TWSG1: variants seen among roughly 807,000 people sequenced by gnomAD.
TWSG1 encodes twisted gastrulation BMP signaling modulator 1.
Under a neutral mutation model 23.0 loss-of-function variants are expected in TWSG1, and 15 were observed. The ratio of observed to expected loss-of-function variants is 0.65; its 90% CI spans 0.44 to 1.00. TWSG1 has a LOEUF of 1.00. TWSG1 is among the 50% of genes least tolerant of loss of function. TWSG1 has a pLI of 0.00. For synonymous variants in TWSG1, 86 were observed against 92.8 expected, an observed-to-expected ratio of 0.93 and a Z score of 0.42; for missense variants, 242 against 278.7, an observed-to-expected ratio of 0.87 and a Z score of 0.94.
At chr18:9,376,792 AC>A (rs1488031571) in intron 3 of TWSG1, among the ~76,000 whole-genome samples, 1 of 150,146 alleles carries the variant, frequency 6.7e-6, no homozygotes, top group Non-Finnish European at 1.5e-5. Flanking sequence ...AGATTGTGCC[AC>A]TGCATTCCAG....
chr18:9,351,622 G>GTTTTTTTTT (rs71168051), intron 2 of TWSG1, among the ~76,000 whole-genome samples: 1 of 116,608 alleles, frequency 8.6e-6, no homozygotes, highest in Non-Finnish European at 1.8e-5. Flanking sequence ...ACCATGCTGG[G>GTTTTTTTTT]TTTTTTTTTT....
intron 3 of TWSG1, among the ~76,000 whole-genome samples, chr18:9,392,944 C>G (rs527967628): frequency 6.6e-6 from 1 of 152,310 alleles, no homozygotes; most frequent in African/African-American, 2.4e-5. Flanking sequence ...ACAACCACAA[C>G]AGTTATCAGT....
chr18:9,370,131 A>C (rs2040597798), intron 3 of TWSG1, among the ~76,000 whole-genome samples: 1 of 152,122 alleles, frequency 6.6e-6, no homozygotes, highest in African/African-American at 2.4e-5. Flanking sequence ...CATCCTGGCC[A>C]ACATGGTGAA....
At chr18:9,352,604 G>GT (rs1369507044) in intron 2 of TWSG1, among the ~76,000 whole-genome samples, 1 of 152,132 alleles carries the variant, frequency 6.6e-6, no homozygotes, top group Non-Finnish European at 1.5e-5. Context: ...ACCAGATCTT[G>GT]TAAGTCCAAG....
intron 3 of TWSG1, among the ~76,000 whole-genome samples, chr18:9,375,304 A>C (rs1450399307): frequency 6.6e-6 from 1 of 152,108 alleles, no homozygotes; most frequent in African/African-American, 2.4e-5. Context: ...CATGATAAAA[A>C]CTCTCAGCAA....
chr18:9,342,791 T>A (rs2040451724), intron 2 of TWSG1, among the ~76,000 whole-genome samples: 1 of 152,194 alleles, frequency 6.6e-6, no homozygotes, highest in Non-Finnish European at 1.5e-5. Context: ...ACCCTTATTT[T>A]GTCCCAACAT....
rs1262975741 is a variant in TWSG1 at position 9,373,715 on chromosome 18, C to G, written c.223+13644C>G. ...GCTGAATATAATGGATATCTATTGA[C>G]TATTTCATTCCACAACAGCAGAATA... is the stretch of plus-strand genomic sequence containing the variant. On this transcript the variant is annotated intron_variant, in intron 3 of 4. Coordinates refer to ENST00000262120, the MANE Select transcript of TWSG1 (RefSeq NM_020648.6). Among the ~76,000 whole-genome samples the G allele has an allele frequency of 1.1e-4, 16 of 152,152 alleles. No individual in the cohort carries two copies. In the East Asian group the frequency reaches 2.9e-3, roughly 27 times the overall value.
At chr18:9,350,981 TCAG>T (rs1477379710) in intron 2 of TWSG1, among the ~76,000 whole-genome samples, 3 of 152,148 alleles carry the variant, frequency 2.0e-5, no homozygotes, top group Non-Finnish European at 4.4e-5. Context: ...AAAAGTAGTG[TCAG>T]CATAGGTATA....
chr18:9,396,684 T>G (rs763120101), intron 4 of TWSG1, 138 bp downstream of exon 4: 1 of 1,063,860 alleles, frequency 9.4e-7, no homozygotes, highest in Non-Finnish European at 1.3e-6. Context: ...AATTCTAGAC[T>G]CAATAACCCT....
At chr18:9,359,146 G>A (rs1309817248) in intron 2 of TWSG1, among the ~76,000 whole-genome samples, 2 of 151,966 alleles carry the variant, frequency 1.3e-5, no homozygotes. Context: ...GCCTGGATCA[G>A]CTGGGTGGTT....
rs1382338966 is a variant in TWSG1, at chr18:9,396,425, T to G, written c.369T>G (p.Val123=). 6.2e-7 allele frequency: 1 copy of G among 1,614,216 alleles called. No homozygotes were observed. The highest frequency in any genetic ancestry group is 1.1e-5 in the South Asian group (1 of 91,084). ...ATTGGAACATCGTTTCTTTCCCTGT[T>G]GCAGAAGAACTTTCACATCATGAGA... is the stretch of plus-strand genomic sequence containing the variant. The part of the protein sequence containing the change: ...QLNWNIVSFP[V]AEELSHHENL... The change falls in exon 4 of 5, where the codon GTT becomes GTG. Residue 123 remains valine (V), a synonymous_variant. Transcript: ENST00000262120.
intron 3 of TWSG1, among the ~76,000 whole-genome samples, chr18:9,369,820 C>T (rs1365598080): frequency 6.6e-6 from 1 of 152,200 alleles, no homozygotes; most frequent in African/African-American, 2.4e-5. Flanking sequence ...CGTGAGCCAC[C>T]ATGCCCAGCC....
chr18:9,398,205 TATC>T (rs1463399433), intron 4 of TWSG1, among the ~76,000 whole-genome samples: 13 of 152,152 alleles, frequency 8.5e-5, no homozygotes, highest in Non-Finnish European at 2.9e-5. Flanking sequence ...TATGTTTTGT[TATC>T]ATTTTCTCCA....
At chr18:9,382,205 A>G (rs916198726) in intron 3 of TWSG1, among the ~76,000 whole-genome samples, 2 of 152,050 alleles carry the variant, frequency 1.3e-5, no homozygotes, top group Admixed American at 1.3e-4. Context: ...TATTTAGAAA[A>G]AACAAGAGGA....
intron 3 of TWSG1, among the ~76,000 whole-genome samples, chr18:9,365,038 T>A (rs941153894): frequency 6.6e-6 from 1 of 152,188 alleles, no homozygotes; most frequent in African/African-American, 2.4e-5. Context: ...AGTTGGATTC[T>A]GCCTAAGCAT....
rs886743301 is a variant in TWSG1, at chr18:9,336,329, T to C, written c.-37-864T>C. On this transcript the variant is annotated intron_variant, in intron 1 of 4. Coordinates refer to ENST00000262120, the MANE Select transcript of TWSG1 (RefSeq NM_020648.6). ...ATCGCATGAACCCGGGAGGCGGAGG[T>C]TGCAGTGAGCCGAGATTGCGCCACT... Among the ~76,000 whole-genome samples, 6 of 151,732 alleles carry C rather than the reference T, an allele frequency of 4.0e-5. No individual in the cohort carries two copies. The South Asian group carries it at 1.2e-3, about 32-fold the overall frequency.
rs527398080 is a variant in TWSG1, at chr18:9,374,507, A to G, written c.223+14436A>G. 2.6e-4 allele frequency among the ~76,000 whole-genome samples: 39 copies of G among 152,360 alleles called. 1 individual carries two copies. The Middle Eastern group carries it at 0.017, about 66-fold the overall frequency. The stretch of plus-strand genomic sequence containing the variant: ...GAAATTCACACGAGACTTCAAACCT[A>G]TATTTTTTAAATAAATTGAATCAAT... On this transcript the variant is annotated intron_variant, in intron 3 of 4. Coordinates refer to ENST00000262120, the MANE Select transcript of TWSG1 (RefSeq NM_020648.6).
At chr18:9,337,732 T>A (rs542657084) in intron 2 of TWSG1, among the ~76,000 whole-genome samples, 2 of 152,346 alleles carry the variant, frequency 1.3e-5, no homozygotes, top group South Asian at 4.1e-4. Flanking sequence ...CTAAGTATGA[T>A]GTATTAGTTG....
chr18:9,358,781 T>A (rs539664013), intron 2 of TWSG1, among the ~76,000 whole-genome samples: 12 of 152,346 alleles, frequency 7.9e-5, no homozygotes, highest in African/African-American at 2.9e-4. Flanking sequence ...AGGATGGTTT[T>A]GTTGACCTGT....
Sources: gnomAD v4.1 joint callset for allele counts (sites outside exome capture counted in the v4.1 genomes callset) on GRCh38, gnomAD v4.1.1 for gene constraint, MANE v1.5 for transcripts, NCBI Gene and HGNC (gene_info 2026-07-23, HGNC 2026-07-21) for gene names.